Variants in CSMD1 observed in about 807,000 individuals in gnomAD.
The protein encoded by CSMD1 is CUB and sushi domain-containing protein 1.
Under a neutral mutation model 417.5 loss-of-function variants are expected in CSMD1, and 213 were observed. The ratio of observed to expected loss-of-function variants is 0.51; its 90% CI spans 0.46 to 0.57. CSMD1 has a LOEUF of 0.57. CSMD1 is among the 20% of genes least tolerant of loss of function. The pLI, the probability that CSMD1 is intolerant of heterozygous loss-of-function variation, is 0.00. For synonymous variants in CSMD1, 2,862 were observed against 1,736.8 expected (o/e 1.65, Z -16.11); for missense variants, 6,923 against 4,529.7 (o/e 1.53, Z -15.17).
At chr8:3,714,985 T>C (rs1218735476) in intron 6 of CSMD1, among the ~76,000 whole-genome samples, 1 of 152,202 alleles carries the variant, frequency 6.6e-6, no homozygotes, top group African/African-American at 2.4e-5. Flanking sequence ...ATAAATTATT[T>C]TCTAATATTA....
chr8:3,015,476 G>C (rs1808754292), intron 52 of CSMD1, among the ~76,000 whole-genome samples: 1 of 151,798 alleles, frequency 6.6e-6, no homozygotes, highest in Non-Finnish European at 1.5e-5. Flanking sequence ...TGATTATATA[G>C]ACACAGTTTT....
intron 1 of CSMD1, among the ~76,000 whole-genome samples, chr8:4,654,633 T>A (rs1360430233): frequency 6.6e-6 from 1 of 152,256 alleles, no homozygotes; most frequent in Middle Eastern, 3.4e-3. Flanking sequence ...ACTAAAATGG[T>A]TGAAGTCAGC....
In CSMD1 at chr8:3,201,745, A is replaced by T. The variant is rs1797004244; in HGVS notation, c.4985-20T>A. On this transcript the variant is annotated intron_variant, in intron 31 of 69. Coordinates refer to ENST00000635120, the MANE Select transcript of CSMD1 (RefSeq NM_033225.6). The stretch of plus-strand genomic sequence containing the variant: ...AGACCACTAAAAAATAAGAGGTGGG[A>T]TGTTGGCACAAGATGCTCTAAGAAA... The T allele has an allele frequency of 6.8e-7, 1 of 1,463,390 alleles. No individual in the cohort carries two copies. Among genetic ancestry groups the T allele is most frequent in the Non-Finnish European group, 9.4e-7 (1 of 1,059,510 alleles). 90.7% of individuals were successfully genotyped at this position (1,463,390 alleles called of 1,614,324 possible).
rs938871767 is a variant in CSMD1 at position 4,000,425 on chromosome 8, A to C, written c.611-2315T>G. Among the ~76,000 whole-genome samples, 7 of 152,250 alleles carry C rather than the reference A, an allele frequency of 4.6e-5. No homozygotes were observed. The East Asian group carries it at 1.3e-3, about 29-fold the overall frequency. The stretch of plus-strand genomic sequence containing the variant: ...CAGAGATAAAAATCAGTACCATATA[A>C]AAATAAGAGGAAGAACATATTCCAG... On this transcript the variant is annotated intron_variant, in intron 4 of 69. Transcript: ENST00000635120.
chr8:3,312,376 C>T (rs184358425), intron 23 of CSMD1, among the ~76,000 whole-genome samples: 589 of 152,266 alleles, frequency 3.9e-3, no homozygotes, highest in Admixed American at 5.8e-3. Context: ...TTGACAGCAT[C>T]ATTAAATTTA....
chr8:3,952,129 T>C (rs1811637082), intron 5 of CSMD1, among the ~76,000 whole-genome samples: 1 of 152,104 alleles, frequency 6.6e-6, no homozygotes, highest in Admixed American at 6.6e-5. Context: ...ATTTAAGTAG[T>C]GGTTCACAAA....
intron 1 of CSMD1, among the ~76,000 whole-genome samples, chr8:4,746,296 T>G (rs1810946980): frequency 6.6e-6 from 1 of 152,188 alleles, no homozygotes; most frequent in Non-Finnish European, 1.5e-5. Flanking sequence ...CTGGTGCCCT[T>G]TTTGAAAGAA....
intron 3 of CSMD1, among the ~76,000 whole-genome samples, chr8:4,039,485 G>C (rs958236329): frequency 7.2e-5 from 11 of 152,126 alleles, no homozygotes; most frequent in African/African-American, 2.4e-4. Context: ...CTGGCTCTCT[G>C]AATGCGAGCC....
At chr8:4,082,929 A>G (rs1800218547) in intron 3 of CSMD1, among the ~76,000 whole-genome samples, 1 of 151,840 alleles carries the variant, frequency 6.6e-6, no homozygotes, top group Non-Finnish European at 1.5e-5. Flanking sequence ...CCATGTCCTT[A>G]CAAAGGACAT....
chr8:4,044,323 T>G (rs1458425533), intron 3 of CSMD1, among the ~76,000 whole-genome samples: 1 of 152,296 alleles, frequency 6.6e-6, no homozygotes, highest in Admixed American at 6.5e-5. Flanking sequence ...GATGCAACAC[T>G]TAAAAATAAC....
chr8:4,450,521 G>C (rs1264640904), intron 2 of CSMD1, among the ~76,000 whole-genome samples: 2 of 152,086 alleles, frequency 1.3e-5, no homozygotes, highest in Non-Finnish European at 2.9e-5. Flanking sequence ...TGTAGTGCCA[G>C]CTACTTGGGA....
At chr8:3,778,504 C>G (rs1367315460) in intron 5 of CSMD1, among the ~76,000 whole-genome samples, 7 of 152,238 alleles carry the variant, frequency 4.6e-5, no homozygotes. Flanking sequence ...TTGCCCCCAT[C>G]CCTACCTTCT....
At chr8:3,464,913 A>C (rs978834009) in intron 12 of CSMD1, among the ~76,000 whole-genome samples, 1 of 152,100 alleles carries the variant, frequency 6.6e-6, no homozygotes, top group Admixed American at 6.5e-5. Context: ...TTTGTTTTTT[A>C]AACTTTGCAT....
At chr8:3,576,516 C>G (rs1252095055) in intron 9 of CSMD1, among the ~76,000 whole-genome samples, 1 of 152,160 alleles carries the variant, frequency 6.6e-6, no homozygotes, top group East Asian at 1.9e-4. Flanking sequence ...CAGTTGCTTC[C>G]TACTTACTAT....
intron 3 of CSMD1, among the ~76,000 whole-genome samples, chr8:4,170,986 G>C (rs1448761710): frequency 6.6e-6 from 1 of 151,904 alleles, no homozygotes; most frequent in Admixed American, 6.6e-5. Flanking sequence ...AACTGAGACT[G>C]TAAGTTCACA....
intron 10 of CSMD1, among the ~76,000 whole-genome samples, chr8:3,537,347 AG>A (rs1357827607): frequency 6.6e-6 from 1 of 152,152 alleles, no homozygotes; most frequent in African/African-American, 2.4e-5. Context: ...CACCTGTATG[AG>A]TTTTTATTGT....
chr8:3,851,695 A>G (rs116018651), intron 5 of CSMD1, among the ~76,000 whole-genome samples: 2,332 of 152,326 alleles, frequency 0.015, 60 homozygotes, highest in African/African-American at 0.053. Flanking sequence ...AGAAGAAAAG[A>G]GAAAAAAGCA....
At chr8:3,703,758 G>C (rs915585515) in intron 7 of CSMD1, among the ~76,000 whole-genome samples, 3 of 152,090 alleles carry the variant, frequency 2.0e-5, no homozygotes, top group Non-Finnish European at 2.9e-5. Flanking sequence ...TCTATGGCCA[G>C]CTATTACATA....
chr8:3,880,794 T>C (rs888681488), intron 5 of CSMD1, among the ~76,000 whole-genome samples: 29 of 152,334 alleles, frequency 1.9e-4, no homozygotes, highest in Admixed American at 7.8e-4. Context: ...TATTTTCTTT[T>C]AGATGGTTGG....
Sources: gnomAD v4.1 joint callset for allele counts (sites outside exome capture counted in the v4.1 genomes callset) on GRCh38, gnomAD v4.1.1 for gene constraint, MANE v1.5 for transcripts, NCBI Gene and HGNC (gene_info 2026-07-23, HGNC 2026-07-21) for gene names.